RTEL1: variants seen among roughly 807,000 people sequenced by gnomAD.
RTEL1 encodes the protein regulator of telomere length.
RTEL1 carries 86 observed loss-of-function variants against 162.2 expected under a neutral mutation model. The ratio of observed to expected loss-of-function variants is 0.53; its 90% CI spans 0.45 to 0.63. The LOEUF is 0.63. Among genes scored for constraint, RTEL1 ranks in the 30% least tolerant of loss-of-function variants. The probability of loss-of-function intolerance (pLI) is 0.00; values close to 1 mark genes in which losing one functional copy is unlikely to be tolerated. For synonymous variants in RTEL1, 958 were observed against 717.9 expected, an observed-to-expected ratio of 1.33 and a Z score of -5.35; for missense variants, 1,941 against 1,750.2, an observed-to-expected ratio of 1.11 and a Z score of -1.95.
chr20:63,666,814 GACC>G (rs2090137843), intron 7 of RTEL1, among the ~76,000 whole-genome samples: 2 of 149,520 alleles, frequency 1.3e-5, no homozygotes, highest in South Asian at 2.1e-4. Flanking sequence ...ACAGGCGTGA[GACC>G]CCATGCCTGG....
chr20:63,693,395 C>T lies in RTEL1; in HGVS notation c.2992+112C>T, dbSNP rs1367864845. On this transcript the variant is annotated intron_variant, in intron 30 of 34. Coordinates refer to ENST00000360203, the MANE Select transcript of RTEL1 (RefSeq NM_001283009.2). ...TCGGGCCCTGCTTGGCCCCGCCTCT[C>T]TGTTCCCCTATGGGAGTGATGGGGG... 3.7e-6 allele frequency: 5 copies of T among 1,356,874 alleles called. 1 individual carries two copies. The South Asian group carries it at 3.8e-5, about 10-fold the overall frequency. 84.1% of individuals were successfully genotyped at this position (1,356,874 alleles called of 1,614,324 possible). A position where few individuals can be genotyped will look rare whatever the true frequency, so the allele number is the denominator to read the frequency against.
rs2090833630 is a variant in RTEL1 at position 63,693,459 on chromosome 20, ACCTCCACCTCCACCTCCACCT to A, written c.2992+179_2992+199del. The stretch of plus-strand genomic sequence containing the variant: ...CACCAGCACCAGCAGCACCACCTCC[ACCTCCACCTCCACCTCCACCT>A]CCACCACCACCTCCACCTCCACCAC... On this transcript the variant is annotated intron_variant, in intron 30 of 34. Coordinates refer to ENST00000360203, the MANE Select transcript of RTEL1 (RefSeq NM_001283009.2). Among the ~76,000 whole-genome samples, 33 of 18,326 alleles carry A rather than the reference ACCTCCACCTCCACCTCCACCT, an allele frequency of 1.8e-3. 2 individuals carry two copies. The highest frequency in any genetic ancestry group is 4.2e-3 in the South Asian group (2 of 480). 12.0% of individuals were successfully genotyped at this position (18,326 alleles called of 152,430 possible).
Position 63,661,491 on chromosome 20 carries a change from C to G in RTEL1, c.296C>G (p.Pro99Arg), listed in dbSNP as rs749319401. 1 of 1,609,756 alleles carries G rather than the reference C, an allele frequency of 6.2e-7. No individual in the cohort carries two copies. The highest frequency in any genetic ancestry group is 8.5e-7 in the Non-Finnish European group (1 of 1,179,834). ...WGNAAAAAGD[P>R]IACYTDIPKI... ...AACGCTGCTGCTGCTGCTGGAGACCCCATAGGTGACCCTAGTTCCCAGGCC... is the reference window on the plus strand; with the variant it reads ...AACGCTGCTGCTGCTGCTGGAGACCGCATAGGTGACCCTAGTTCCCAGGCC... The change falls in exon 3 of 35, where the codon CCC becomes CGC. Residue 99 changes from proline (P) to arginine (R), a missense_variant. Coordinates refer to ENST00000360203, the MANE Select transcript of RTEL1 (RefSeq NM_001283009.2). This position sits in a 1 kb window ranked among gnomAD's most constrained non-coding sequence, Gnocchi z 5.1.
At position 63,696,225 on chromosome 20, in the gene RTEL1, T is replaced by TA. The variant is rs2090978009; in HGVS notation, c.*370dup. The stretch of plus-strand genomic sequence containing the variant: ...TTAATCAGGGGACAGGGCTCTCTAA[T>TA]AAAGCTGCTGGCAGTGCCCAGGACG... On this transcript the variant is annotated 3_prime_UTR_variant, in exon 35 of 35. Transcript: ENST00000360203. 4 of 348,178 alleles carry TA rather than the reference T, an allele frequency of 1.1e-5. No individual in the cohort carries two copies. Among genetic ancestry groups the TA allele is most frequent in the Non-Finnish European group, 1.6e-5 (3 of 189,202 alleles). 21.6% of individuals were successfully genotyped at this position (348,178 alleles called of 1,614,324 possible).
intron 26 of RTEL1, 62 bp downstream of exon 26, chr20:63,690,503 G>GGGGGGGGGGGGGGGGGC: frequency 1.9e-6 from 2 of 1,028,420 alleles, no homozygotes; most frequent in Non-Finnish European, 1.4e-6. Flanking sequence ...CGTGGGGCGG[G>GGGGGGGGGGGGGGGGGC]CAGCACCAGG....
At chr20:63,674,697 CAA>C (rs1182281905) in intron 10 of RTEL1, among the ~76,000 whole-genome samples, 13 of 117,308 alleles carry the variant, frequency 1.1e-4, no homozygotes, top group Admixed American at 3.6e-4. Flanking sequence ...GAGGCCATCT[CAA>C]AAAAAAAAAA....
intron 10 of RTEL1, among the ~76,000 whole-genome samples, chr20:63,676,447 C>T (rs1448710890): frequency 2.0e-5 from 3 of 152,160 alleles, no homozygotes; most frequent in Non-Finnish European, 4.4e-5. Context: ...AGAAGGCTCA[C>T]AGTATCTCCT....
At chr20:63,693,624 ACCACCTCCACCACCACCACCTCCACCT>A (rs2090870379) in intron 30 of RTEL1, among the ~76,000 whole-genome samples, 1 of 22,344 alleles carries the variant, frequency 4.5e-5, no homozygotes, top group East Asian at 1.3e-3. Flanking sequence ...CACCTCCACC[ACCACCTCCACCACCACCACCTCCACCT>A]CCACCACCAC....
chr20:63,692,766 AGGCT>A, intron 28 of RTEL1, 35 bp from the exon 29 acceptor site: 1 of 1,580,192 alleles, frequency 6.3e-7, no homozygotes, highest in Non-Finnish European at 8.7e-7. Context: ...CCAGATGATG[AGGCT>A]GGCCCTGATG....
intron 29 of RTEL1, 69 bp from the exon 30 acceptor site, chr20:63,693,074 G>C (rs1030245474): frequency 2.5e-6 from 4 of 1,609,712 alleles, no homozygotes; most frequent in Non-Finnish European, 2.5e-6. Context: ...GGGGCCATCT[G>C]GGTCCAAGGT....
chr20:63,694,912 A>G lies in RTEL1; in HGVS notation c.3281A>G (p.Lys1094Arg). Residue 1094 changes from lysine (K) to arginine (R), a missense_variant, in exon 32 of 35, where the codon AAG (lysine) becomes AGG (arginine). Coordinates refer to ENST00000360203, the MANE Select transcript of RTEL1 (RefSeq NM_001283009.2). ...TATAAGCAAGACGACGACCTCGACA[A>G]GGTGCTGGCTGTGTTGGCCGCCCTG... Reference protein sequence around the residue: ...TAYKQDDDLDKVLAVLAALTT... With the variant: ...TAYKQDDDLDRVLAVLAALTT... 1.2e-6 allele frequency: 2 copies of G among 1,612,598 alleles called. No individual in the cohort carries two copies. The highest frequency in any genetic ancestry group is 1.7e-6 in the Non-Finnish European group (2 of 1,179,858).
intron 14 of RTEL1, 77 bp from the exon 15 acceptor site, chr20:63,685,446 C>A: frequency 6.9e-7 from 1 of 1,453,594 alleles, no homozygotes; most frequent in Non-Finnish European, 9.5e-7. Context: ...CTGTGACCTT[C>A]TGTGTATGCG....
intron 12 of RTEL1, 97 bp downstream of exon 12, chr20:63,678,443 C>A (rs2090402086): frequency 5.2e-6 from 6 of 1,147,368 alleles, no homozygotes; most frequent in Non-Finnish European, 7.4e-6. Flanking sequence ...CGAGTGAGGC[C>A]TGTTTTCAGG....
chr20:63,686,230 C>G (rs1601157766), intron 16 of RTEL1: 1 of 341,498 alleles, frequency 2.9e-6, no homozygotes. Flanking sequence ...CACGCAGCGC[C>G]TGGCCGGGCC....
At chr20:63,676,804 GCA>G (rs1569093465) in intron 10 of RTEL1, among the ~76,000 whole-genome samples, 9 of 152,220 alleles carry the variant, frequency 5.9e-5, no homozygotes, top group African/African-American at 2.2e-4. Context: ...GTGTGGTGGT[GCA>G]TGCTTGTAAT....
intron 7 of RTEL1, among the ~76,000 whole-genome samples, chr20:63,666,995 A>G (rs1027523009): frequency 2.0e-4 from 31 of 151,738 alleles, no homozygotes; most frequent in Admixed American, 2.0e-3. Context: ...GCCCGCCACC[A>G]CGTCTGGCTA....
At chr20:63,685,467 C>A in intron 14 of RTEL1, 56 bp from the exon 15 acceptor site, 2 of 1,565,768 alleles carry the variant, frequency 1.3e-6, no homozygotes, top group Admixed American at 1.8e-5. Context: ...GCTGATGCTG[C>A]AGAAAGTCGG....
At chr20:63,680,054 A>G (rs1189421307) in intron 13 of RTEL1, 108 bp downstream of exon 13, 2 of 725,332 alleles carry the variant, frequency 2.8e-6, no homozygotes, top group African/African-American at 1.8e-5. Flanking sequence ...GGCCGTCAGC[A>G]GGAACAGGCC....
intron 30 of RTEL1, 105 bp from the exon 31 acceptor site, chr20:63,694,267 C>T: frequency 2.0e-6 from 2 of 994,114 alleles, no homozygotes; most frequent in Admixed American, 1.8e-5. Flanking sequence ...CCGCCCTGGT[C>T]TGAGGTGGGT....
Sources: gnomAD v4.1 joint callset for allele counts (sites outside exome capture counted in the v4.1 genomes callset) on GRCh38, gnomAD v4.1.1 for gene constraint, Gnocchi (gnomAD v3.1) non-coding constraint, MANE v1.5 for transcripts, NCBI Gene and HGNC (gene_info 2026-07-23, HGNC 2026-07-21) for gene names.